Variants in ZNF785 observed in about 807,000 individuals in gnomAD.
ZNF785 encodes zinc finger protein 785.
A neutral mutation model predicts 11.3 loss-of-function variants in ZNF785; 15 were observed. The ratio of observed to expected loss-of-function variants is 1.32; its 90% confidence interval spans 0.89 to 2.04. ZNF785 has a LOEUF of 2.04. Ranked by LOEUF, ZNF785 falls within the 30% of genes most tolerant of loss-of-function variation. The pLI, the probability that ZNF785 is intolerant of heterozygous loss-of-function variation, is 0.00. For synonymous variants in ZNF785, 221 were observed against 231.0 expected, an observed-to-expected ratio of 0.96 and a Z score of 0.39; for missense variants, 572 against 560.9, an observed-to-expected ratio of 1.02 and a Z score of -0.20.
In ZNF785 at chr16:30,583,123, G is replaced by T; in HGVS notation, c.655C>A (p.Gln219Lys). 1 of 1,614,164 alleles carries T rather than the reference G, an allele frequency of 6.2e-7. No homozygotes were observed. The highest frequency in any genetic ancestry group is 8.5e-7 in the Non-Finnish European group (1 of 1,180,010). Residue 219 changes from glutamine to lysine, a missense_variant, in exon 3 of 3, where the codon CAG becomes AAG. By Grantham distance (53) the Gln-to-Lys change is moderately conservative. Coordinates refer to ENST00000395216, the MANE Select transcript of ZNF785 (RefSeq NM_152458.7). Reference sequence around the variant, plus strand: ...GGCTTCTCGCCGGTGTGGATGAACTGATGCTGGAGCAGGTACCTGCGCTGG... The same window carrying T: ...GGCTTCTCGCCGGTGTGGATGAACTTATGCTGGAGCAGGTACCTGCGCTGG... ...FSQRRYLLQHQFIHTGEKPYP... is the reference protein window; with the variant it reads ...FSQRRYLLQHKFIHTGEKPYP...
In ZNF785 at chr16:30,582,683, G is replaced by T. The variant is rs1389674786; in HGVS notation, c.1095C>A (p.Cys365Ter). The change falls in exon 3 of 3, where the codon TGC becomes TGA. Residue 365 changes from cysteine (C) to a stop codon, truncating the protein, a stop_gained. Transcript: ENST00000395216. LOFTEE classifies it low-confidence loss of function (END_TRUNC). ...LEAHRWIHRS[C>*]SERRAWQQAV... ...CCTGCTGCCACGCGCGCCTCTCGCT[G>T]CAGGAGCGGTGGATCCACCGATGGG... 1.9e-6 allele frequency: 3 copies of T among 1,613,948 alleles called. No homozygotes were observed. Among genetic ancestry groups the T allele is most frequent in the Non-Finnish European group, 2.5e-6 (3 of 1,180,000 alleles).
Position 30,585,261 on chromosome 16 carries a change from G to C in ZNF785, c.206-11C>G. On this transcript the variant is annotated splice_polypyrimidine_tract_variant and intron_variant, in intron 1 of 2. Coordinates refer to ENST00000395216, the MANE Select transcript of ZNF785 (RefSeq NM_152458.7). This position sits in a 1 kb window ranked among gnomAD's most constrained non-coding sequence, Gnocchi z 4.0. Reference sequence around the variant, plus strand: ...TGGGAACTGAAAATCCTGCGAAGGAGAAACAATGGGCTCGGCTGAGCGCAC... The same window carrying C: ...TGGGAACTGAAAATCCTGCGAAGGACAAACAATGGGCTCGGCTGAGCGCAC... The C allele has an allele frequency of 6.2e-7, 1 of 1,613,534 alleles. No individual in the cohort carries two copies. The highest frequency in any genetic ancestry group is 8.5e-7 in the Non-Finnish European group (1 of 1,179,838).
chr16:30,582,404 C>T lies in ZNF785; in HGVS notation c.*156G>A, dbSNP rs1400546623. 6.4e-6 allele frequency: 7 copies of T among 1,101,678 alleles called. No homozygotes were observed. In the East Asian group the frequency reaches 1.8e-4, roughly 29 times the overall value. 68.2% of individuals were successfully genotyped at this position (1,101,678 alleles called of 1,614,324 possible). Reference sequence around the variant, plus strand: ...CCCCAGGCACCTTTTCAGATTCCTGCCTCCTCCCCACAGCCCTCTGTGCCC... The same window carrying T: ...CCCCAGGCACCTTTTCAGATTCCTGTCTCCTCCCCACAGCCCTCTGTGCCC... On this transcript the variant is annotated 3_prime_UTR_variant, in exon 3 of 3. Transcript: ENST00000395216.
Position 30,585,322 on chromosome 16 carries a change from G to T in ZNF785, c.206-72C>A, listed in dbSNP as rs766657230. ...AATGAGACTGCTCCCTCGGCGCCCC[G>T]CTTCCAGCCCACTAGCCTCTGGGGA... On this transcript the variant is annotated intron_variant, in intron 1 of 2. Coordinates refer to ENST00000395216, the MANE Select transcript of ZNF785 (RefSeq NM_152458.7). This position sits in a 1 kb window ranked among gnomAD's most constrained non-coding sequence, Gnocchi z 4.0. The T allele has an allele frequency of 1.1e-5, 18 of 1,582,682 alleles. No individual in the cohort carries two copies. The highest frequency in any genetic ancestry group is 3.6e-5 in the Admixed American group (2 of 56,140).
rs1469337417 is a variant in ZNF785 at position 30,585,575 on chromosome 16, G to C, written c.37C>G (p.Pro13Ala). ...GTCCTCCGGGGCCCGGCCTCCCCGG[G>C]TACGTGGGCCGGGCGCGGCGCCAGG... ...PPLAPRPAHV[P>A]GEAGPRRTRE... The change falls in exon 1 of 3, where the codon CCC becomes GCC. Residue 13 changes from proline (P) to alanine (A), a missense_variant. Physicochemically the swap from Pro to Ala is conservative, Grantham distance 27. Transcript: ENST00000395216. The surrounding 1 kb of genome is among the most constrained non-coding windows in gnomAD (Gnocchi z 4.0). 1.3e-5 allele frequency: 20 copies of C among 1,533,376 alleles called. No individual in the cohort carries two copies. The highest frequency in any genetic ancestry group is 1.7e-5 in the Non-Finnish European group (20 of 1,144,646). 95.0% of individuals were successfully genotyped at this position (1,533,376 alleles called of 1,614,324 possible). A position where few individuals can be genotyped will look rare whatever the true frequency, so the allele number is the denominator to read the frequency against.
chr16:30,581,556 C>G lies in ZNF785; in HGVS notation c.*1004G>C, dbSNP rs1341453655. The G allele has an allele frequency of 2.6e-5, 4 of 151,064 alleles. No individual in the cohort carries two copies. The highest frequency in any genetic ancestry group is 9.7e-5 in the African/African-American group (4 of 41,064). The allele number at this position is 151,064 out of a possible 1,614,324, so 9.4% of individuals were successfully genotyped here. A position where few individuals can be genotyped will look rare whatever the true frequency, so the allele number is the denominator to read the frequency against. ...ATCAAAAAATACAAAATCCAGGGAA[C>G]ATGCAAATATCTGAAGAAGAAAAAA... On this transcript the variant is annotated 3_prime_UTR_variant, in exon 3 of 3. Coordinates refer to ENST00000395216, the MANE Select transcript of ZNF785 (RefSeq NM_152458.7).
Position 30,583,092 on chromosome 16 carries a change from G to A in ZNF785, c.686C>T (p.Pro229Leu), listed in dbSNP as rs752229898. ...GAAGCGGCGCCCGCAGTCGGGGCAG[G>A]GGTAGGGCTTCTCGCCGGTGTGGAT... is the stretch of plus-strand genomic sequence containing the variant. ...QFIHTGEKPYPCPDCGRRFRQ... is the reference protein window; with the variant it reads ...QFIHTGEKPYLCPDCGRRFRQ... The change falls in exon 3 of 3, where the codon CCC becomes CTC. Residue 229 changes from proline to leucine, a missense_variant. Transcript: ENST00000395216. 18 of 1,613,950 alleles carry A rather than the reference G, an allele frequency of 1.1e-5. No individual in the cohort carries two copies. Among genetic ancestry groups the A allele is most frequent in the Non-Finnish European group, 1.5e-5 (18 of 1,180,000 alleles).
In ZNF785 at chr16:30,583,154, A is replaced by G; in HGVS notation, c.624T>C (p.Arg208=). Residue 208 remains arginine, a synonymous_variant, in exon 3 of 3, where the codon CGT becomes CGC. Coordinates refer to ENST00000395216, the MANE Select transcript of ZNF785 (RefSeq NM_152458.7). Reference sequence around the variant, plus strand: ...GGAGCAGGTACCTGCGCTGGGAGAAACGCGCCTGACACTGGCCGCAGGAGA... The same window carrying G: ...GGAGCAGGTACCTGCGCTGGGAGAAGCGCGCCTGACACTGGCCGCAGGAGA... ...RPFSCGQCQA[R]FSQRRYLLQH... is the part of the protein sequence containing the mutation. 1 of 1,613,384 alleles carries G rather than the reference A, an allele frequency of 6.2e-7. No individual in the cohort carries two copies. Among genetic ancestry groups the G allele is most frequent in the African/African-American group, 1.3e-5 (1 of 74,794 alleles).
rs1186885253 is a variant in ZNF785 at position 30,581,883 on chromosome 16, C to T, written c.*677G>A. 6.6e-6 allele frequency: 1 copy of T among 152,292 alleles called. No individual in the cohort carries two copies. The allele number at this position is 152,292 out of a possible 1,614,324, so 9.4% of individuals were successfully genotyped here. ...CGGGTGGATCACGAGGTCAGGAATT[C>T]AAGACCAGCCTGGCCAAGATGGTGG... is the stretch of plus-strand genomic sequence containing the variant. On this transcript the variant is annotated 3_prime_UTR_variant, in exon 3 of 3. Coordinates refer to ENST00000395216, the MANE Select transcript of ZNF785 (RefSeq NM_152458.7).
chr16:30,582,726 C>A lies in ZNF785; in HGVS notation c.1052G>T (p.Arg351Leu), dbSNP rs150257210. The change falls in exon 3 of 3, where the codon CGC becomes CTC. Residue 351 changes from arginine to leucine, a missense_variant. Physicochemically the swap from Arg to Leu is moderately radical, Grantham distance 102 (BLOSUM62 -2). Coordinates refer to ENST00000395216, the MANE Select transcript of ZNF785 (RefSeq NM_152458.7). ...CCGATGGGCTTCCAGGGCGGTCTTG[C>A]GCTTGAAGCCTTTCCCACACTCCAC... is the stretch of plus-strand genomic sequence containing the variant. Reference protein sequence around the residue: ...PCVECGKGFKRKTALEAHRWI... With the variant: ...PCVECGKGFKLKTALEAHRWI... 5.0e-6 allele frequency: 8 copies of A among 1,612,044 alleles called. No homozygotes were observed. The South Asian group carries it at 7.7e-5, about 16-fold the overall frequency.
At position 30,585,296 on chromosome 16, in the gene ZNF785, G is replaced by A; in HGVS notation, c.206-46C>T. On this transcript the variant is annotated intron_variant, in intron 1 of 2. Transcript: ENST00000395216. This position sits in a 1 kb window ranked among gnomAD's most constrained non-coding sequence, Gnocchi z 4.0. ...GCTCGGCTGAGCGCACGGGAGGGGA[G>A]AATGAGACTGCTCCCTCGGCGCCCC... 1 of 1,605,998 alleles carries A rather than the reference G, an allele frequency of 6.2e-7. No homozygotes were observed. Among genetic ancestry groups the A allele is most frequent in the South Asian group, 1.1e-5 (1 of 90,460 alleles).
chr16:30,579,375 C>T (rs1011909200), downstream of ZNF785: 4 of 163,184 alleles, frequency 2.5e-5, no homozygotes, highest in East Asian at 3.4e-4. Context: ...GATAACACCC[C>T]GTTCCCAGTT....
downstream of ZNF785, chr16:30,579,156 A>G (rs985502004): frequency 1.3e-5 from 2 of 152,418 alleles, no homozygotes; most frequent in African/African-American, 4.8e-5. Flanking sequence ...AAATGTAATG[A>G]TGTCTGCAAC....
Position 30,585,238 on chromosome 16 carries a change from G to A in ZNF785, c.218C>T (p.Pro73Leu). Residue 73 changes from proline to leucine, a missense_variant, in exon 2 of 3, where the codon CCC becomes CTC. Physicochemically the swap from Pro to Leu is moderately conservative, Grantham distance 98. Transcript: ENST00000395216. The surrounding 1 kb of genome is among the most constrained non-coding windows in gnomAD (Gnocchi z 4.0). ...CACCCACGAGATAAAAGCGGGTTTG[G>A]GAACTGAAAATCCTGCGAAGGAGAA... Reference protein sequence around the residue: ...GHLGALGFSVPKPAFISWVEG... With the variant: ...GHLGALGFSVLKPAFISWVEG... 6.2e-7 allele frequency: 1 copy of A among 1,614,042 alleles called. No homozygotes were observed. Among genetic ancestry groups the A allele is most frequent in the South Asian group, 1.1e-5 (1 of 91,044 alleles).
rs760211670 is a variant in ZNF785, at chr16:30,583,157, C to T, written c.621G>A (p.Ala207=). ...ERPFSCGQCQ[A]RFSQRRYLLQ... is the part of the protein sequence containing the mutation. ...GCAGGTACCTGCGCTGGGAGAAACG[C>T]GCCTGACACTGGCCGCAGGAGAAGG... The change falls in exon 3 of 3, where the codon GCG becomes GCA. Residue 207 remains alanine, a synonymous_variant. Transcript: ENST00000395216. 3 of 1,613,700 alleles carry T rather than the reference C, an allele frequency of 1.9e-6. No homozygotes were observed. The highest frequency in any genetic ancestry group is 1.1e-5 in the South Asian group (1 of 91,058).
chr16:30,583,432 C>T lies in ZNF785; in HGVS notation c.346G>A (p.Gly116Arg). 1.9e-6 allele frequency: 3 copies of T among 1,544,786 alleles called. No individual in the cohort carries two copies. Among genetic ancestry groups the T allele is most frequent in the Non-Finnish European group, 2.6e-6 (3 of 1,144,758 alleles). The stretch of plus-strand genomic sequence containing the variant: ...TTCAGCCTTTCCTTCTCCTCATTCC[C>T]ATCCCTGGATCCTGAAACAGGGAAG... ...GQGQEAGSRD[G>R]NEEKERLKKC... is the part of the protein sequence containing the mutation. The change falls in exon 3 of 3, where the codon GGG (glycine) becomes AGG (arginine). Residue 116 changes from glycine (G) to arginine (R), a missense_variant. By Grantham distance (125) the Gly-to-Arg change is moderately radical. Transcript: ENST00000395216.
chr16:30,580,112 C>T (rs1023684298), downstream of ZNF785, among the ~76,000 whole-genome samples: 2 of 151,248 alleles, frequency 1.3e-5, no homozygotes, highest in Non-Finnish European at 2.9e-5. Context: ...TGGTCTTGAT[C>T]TCCTGACCTC....
At position 30,582,853 on chromosome 16, in the gene ZNF785, C is replaced by T; in HGVS notation, c.925G>A (p.Glu309Lys). The T allele has an allele frequency of 6.2e-7, 1 of 1,612,048 alleles. No homozygotes were observed. Among genetic ancestry groups the T allele is most frequent in the Non-Finnish European group, 8.5e-7 (1 of 1,178,892 alleles). Residue 309 changes from glutamate (E) to lysine (K), a missense_variant, in exon 3 of 3, where the codon GAG becomes AAG. Transcript: ENST00000395216. ...LAIHRRIHTG[E>K]KPYPCPDCGR... is the part of the protein sequence containing the mutation. ...CAGTCAGGACAGGGGTAGGGCTTCT[C>T]GCCGGTGTGTATGCGCCTGTGGATG...
rs1219317046 is a variant in ZNF785, at chr16:30,582,760, AG to A, written c.1017del (p.Phe340SerfsTer90). On this transcript the variant is annotated frameshift_variant, in exon 3 of 3. Transcript: ENST00000395216. LOFTEE classifies it low-confidence loss of function (END_TRUNC). ...SHRRIHSDSR[P>X]FPCVECGKGF... ...CCTTTCCCACACTCCACGCAGGGGA[AG>A]GGCCGGCTGTCGGAGTGAATGCGCC... The A allele has an allele frequency of 6.2e-7, 1 of 1,607,638 alleles. No individual in the cohort carries two copies. The highest frequency in any genetic ancestry group is 1.1e-5 in the South Asian group (1 of 90,622).
Sources: gnomAD v4.1 joint callset for allele counts (sites outside exome capture counted in the v4.1 genomes callset) on GRCh38, gnomAD v4.1.1 for gene constraint, Gnocchi (gnomAD v3.1) non-coding constraint, MANE v1.5 for transcripts, NCBI Gene and HGNC (gene_info 2026-07-23, HGNC 2026-07-21) for gene names.